The following GOLGA4 variants were observed in gnomAD, a reference collection of about 807,000 sequenced individuals.
GOLGA4 encodes the protein golgin subfamily A member 4.
In GOLGA4, 169 loss-of-function variants were observed where a neutral mutation model predicts 265.9. That is an observed-to-expected ratio of 0.64 (90% confidence interval 0.56 to 0.72). GOLGA4 has a LOEUF of 0.72. Ranked by LOEUF, GOLGA4 falls within the 30% of genes least tolerant of loss-of-function variation. The pLI is 0.00. For missense variants in GOLGA4, 2,482 were observed against 2,483.4 expected, an observed-to-expected ratio of 1.00 and a Z score of 0.01; for synonymous variants, 923 against 855.8, an observed-to-expected ratio of 1.08 and a Z score of -1.37.
At chr3:37,343,608 C>T (rs568425667) in intron 20 of GOLGA4, among the ~76,000 whole-genome samples, 59 of 152,310 alleles carry the variant, frequency 3.9e-4, no homozygotes, top group South Asian at 1.2e-3. Flanking sequence ...ACTCCAGGTC[C>T]TTCTCCACCT....
At chr3:37,259,420 G>A (rs1267431490) in intron 2 of GOLGA4, among the ~76,000 whole-genome samples, 2 of 152,324 alleles carry the variant, frequency 1.3e-5, no homozygotes, top group Admixed American at 6.5e-5. Flanking sequence ...TCAATTGCAG[G>A]CTGCTAACTA....
intron 2 of GOLGA4, among the ~76,000 whole-genome samples, chr3:37,255,584 A>G (rs905259418): frequency 6.6e-6 from 1 of 152,170 alleles, no homozygotes; most frequent in Non-Finnish European, 1.5e-5. Context: ...AGCAATAGAT[A>G]AAAAGGCAAA....
rs1696766752 is a variant in GOLGA4, at chr3:37,366,631, G to C, written c.*585G>C. 1 of 152,538 alleles carries C rather than the reference G, an allele frequency of 6.6e-6. No individual in the cohort carries two copies. Among genetic ancestry groups the C allele is most frequent in the East Asian group, 1.9e-4 (1 of 5,198 alleles). The allele number at this position is 152,538 out of a possible 1,614,324, so 9.4% of individuals were successfully genotyped here. On this transcript the variant is annotated 3_prime_UTR_variant, in exon 24 of 24. Coordinates refer to ENST00000361924, the MANE Select transcript of GOLGA4 (RefSeq NM_002078.5). ...AGCTTTTGTACTTATATTTTTCAGA[G>C]GAAAAAACACTACTGTAAATTGTGA...
chr3:37,279,461 C>T lies in GOLGA4; in HGVS notation c.163-2497C>T, dbSNP rs111766612. The stretch of plus-strand genomic sequence containing the variant: ...CTCTCATGCGAGCATGCCCACAAAG[C>T]GTAATACAGTGGCACATGTGCAGGC... On this transcript the variant is annotated intron_variant, in intron 2 of 23. Coordinates refer to ENST00000361924, the MANE Select transcript of GOLGA4 (RefSeq NM_002078.5). Among the ~76,000 whole-genome samples the T allele has an allele frequency of 1.7e-4, 26 of 152,348 alleles. 1 individual carries two copies. The highest frequency in any genetic ancestry group is 2.6e-4 in the African/African-American group (11 of 41,570).
At chr3:37,284,365 G>T (rs1185039697) in intron 3 of GOLGA4, among the ~76,000 whole-genome samples, 3 of 151,956 alleles carry the variant, frequency 2.0e-5, no homozygotes, top group Non-Finnish European at 4.4e-5. Flanking sequence ...ACTGGGTCCT[G>T]GGCCAAGCAG....
chr3:37,300,472 G>A (rs925443127), intron 9 of GOLGA4, among the ~76,000 whole-genome samples: 5 of 151,506 alleles, frequency 3.3e-5, no homozygotes, highest in African/African-American at 1.2e-4. Flanking sequence ...CTTCTTGAGG[G>A]CCTACTTAAA....
intron 9 of GOLGA4, 31 bp downstream of exon 9, chr3:37,299,402 T>A: frequency 7.5e-7 from 1 of 1,332,954 alleles, no homozygotes; most frequent in African/African-American, 1.4e-5. Context: ...ATACTAAAAT[T>A]TGTCAAGAGG....
At chr3:37,312,455 C>T (rs1559413706) in intron 10 of GOLGA4, among the ~76,000 whole-genome samples, 1 of 151,290 alleles carries the variant, frequency 6.6e-6, no homozygotes, top group Non-Finnish European at 1.5e-5. Flanking sequence ...TTGTTTCCAA[C>T]ATATTTGTAT....
intron 20 of GOLGA4, among the ~76,000 whole-genome samples, chr3:37,343,189 T>A (rs1310436741): frequency 6.6e-6 from 1 of 152,228 alleles, no homozygotes; most frequent in Non-Finnish European, 1.5e-5. Flanking sequence ...TGGCGCGATC[T>A]CAGCTCACCG....
chr3:37,280,770 T>C (rs966724642), intron 2 of GOLGA4, among the ~76,000 whole-genome samples: 4 of 152,228 alleles, frequency 2.6e-5, no homozygotes, highest in African/African-American at 9.6e-5. Flanking sequence ...ATTTATAAAC[T>C]GTATCCTCTA....
chr3:37,361,916 A>G (rs183771122), intron 23 of GOLGA4, among the ~76,000 whole-genome samples: 72 of 152,362 alleles, frequency 4.7e-4, no homozygotes, highest in African/African-American at 1.6e-3. Flanking sequence ...ATGCAGGCAT[A>G]TGAAATGTTT....
chr3:37,289,185 T>C (rs2096858343), intron 4 of GOLGA4, 50 bp from the exon 5 acceptor site: 2 of 931,480 alleles, frequency 2.1e-6, no homozygotes, highest in Admixed American at 2.4e-5. Flanking sequence ...GTATTTACTA[T>C]GTCATACAGT....
At chr3:37,313,951 G>C (rs924857048) in intron 10 of GOLGA4, among the ~76,000 whole-genome samples, 2 of 150,398 alleles carry the variant, frequency 1.3e-5, no homozygotes, top group Non-Finnish European at 3.0e-5. Context: ...ACAAATACAC[G>C]TAAACACACA....
At chr3:37,352,707 T>C (rs1001534951) in intron 21 of GOLGA4, among the ~76,000 whole-genome samples, 1 of 152,076 alleles carries the variant, frequency 6.6e-6, no homozygotes, top group African/African-American at 2.4e-5. Flanking sequence ...GGGAATGTTG[T>C]TACTGGTTTG....
chr3:37,249,215 G>C (rs2096727460), intron 1 of GOLGA4, among the ~76,000 whole-genome samples: 1 of 152,146 alleles, frequency 6.6e-6, no homozygotes, highest in East Asian at 1.9e-4. Context: ...TATTTCTGAT[G>C]TTCTTTGAAC....
chr3:37,259,882 G>T (rs1388806591), intron 2 of GOLGA4, among the ~76,000 whole-genome samples: 1 of 152,052 alleles, frequency 6.6e-6, no homozygotes, highest in Non-Finnish European at 1.5e-5. Context: ...TTGTTTAAAG[G>T]CTTTCTATGT....
At chr3:37,337,836 C>G (rs2097019575) in intron 19 of GOLGA4, 102 bp downstream of exon 19, 4 of 706,968 alleles carry the variant, frequency 5.7e-6, no homozygotes, top group Non-Finnish European at 7.4e-6. Context: ...ATTTTTCAGT[C>G]TTACACCCAG....
At chr3:37,335,268 C>A (rs2097006794) in intron 17 of GOLGA4, 102 bp downstream of exon 17, 1 of 646,584 alleles carries the variant, frequency 1.5e-6, no homozygotes, top group Admixed American at 2.8e-5. Flanking sequence ...CTCATTTAAT[C>A]CTAATGAAAA....
intron 3 of GOLGA4, among the ~76,000 whole-genome samples, chr3:37,283,501 C>T (rs2096840183): frequency 6.6e-6 from 1 of 152,042 alleles, no homozygotes; most frequent in South Asian, 2.1e-4. Context: ...ATGCTAGATA[C>T]TGTGTATTTT....
Sources: gnomAD v4.1 joint callset for allele counts (sites outside exome capture counted in the v4.1 genomes callset) on GRCh38, gnomAD v4.1.1 for gene constraint, MANE v1.5 for transcripts, NCBI Gene and HGNC (gene_info 2026-07-23, HGNC 2026-07-21) for gene names.